RAB37: variants seen among roughly 807,000 people sequenced by gnomAD.
RAB37 encodes the protein ras-related protein Rab-37.
Under a neutral mutation model 33.1 loss-of-function variants are expected in RAB37, and 29 were observed. That is an observed-to-expected ratio of 0.88 (90% CI 0.65 to 1.20). The LOEUF is 1.20. Ranked by LOEUF, RAB37 falls within the 50% of genes most tolerant of loss-of-function variation. The pLI is 0.00. For missense variants in RAB37, 299 were observed against 301.1 expected, an observed-to-expected ratio of 0.99 and a Z score of 0.05; for synonymous variants, 128 against 119.5, an observed-to-expected ratio of 1.07 and a Z score of -0.47.
intron 1 of RAB37, among the ~76,000 whole-genome samples, chr17:74,686,677 A>C (rs1257472123): frequency 6.6e-6 from 1 of 152,190 alleles, no homozygotes; most frequent in East Asian, 1.9e-4. Flanking sequence ...TACAGGCATG[A>C]GCCATACAAC....
At chr17:74,697,199 C>T (rs1490865401) in intron 1 of RAB37, among the ~76,000 whole-genome samples, 2 of 152,182 alleles carry the variant, frequency 1.3e-5, no homozygotes, top group Non-Finnish European at 2.9e-5. Flanking sequence ...CCGCCTCAAC[C>T]TCCCTAAGTG....
chr17:74,744,396 C>T lies in RAB37; in HGVS notation c.432+23C>T. On this transcript the variant is annotated intron_variant, in intron 6 of 8. Coordinates refer to ENST00000392613, the MANE Select transcript of RAB37 (RefSeq NM_001006638.3). The surrounding 1 kb of genome is among the most constrained non-coding windows in gnomAD (Gnocchi z 4.2). ...AAGGTGAGTGGCTCCGGGGCAGGGT[C>T]AGCCCAGCCCTGCACTTCCTCAGCC... 1 of 1,610,692 alleles carries T rather than the reference C, an allele frequency of 6.2e-7. No individual in the cohort carries two copies. Among genetic ancestry groups the T allele is most frequent in the Non-Finnish European group, 8.5e-7 (1 of 1,176,942 alleles).
rs887301692 is a variant in RAB37 at position 74,744,192 on chromosome 17, A to G, written c.367-116A>G. On this transcript the variant is annotated intron_variant, in intron 5 of 8. Coordinates refer to ENST00000392613, the MANE Select transcript of RAB37 (RefSeq NM_001006638.3). The surrounding 1 kb of genome is among the most constrained non-coding windows in gnomAD (Gnocchi z 4.2). Reference sequence around the variant, plus strand: ...GCCAGAACAAAGGTACAGATGAGAGAACGCACAGGGTATCGTGTTCAAGGT... The same window carrying G: ...GCCAGAACAAAGGTACAGATGAGAGGACGCACAGGGTATCGTGTTCAAGGT... The G allele has an allele frequency of 6.0e-6, 6 of 999,166 alleles. No individual in the cohort carries two copies. The highest frequency in any genetic ancestry group is 1.5e-5 in the South Asian group (1 of 66,896). The allele number at this position is 999,166 out of a possible 1,614,324, so 61.9% of individuals were successfully genotyped here.
At chr17:74,698,219 C>G in intron 1 of RAB37, 1 of 647,582 alleles carries the variant, frequency 1.5e-6, no homozygotes, top group Non-Finnish European at 2.7e-6. Context: ...GGGCGCCCCC[C>G]GGTCCCCTGG....
intron 1 of RAB37, among the ~76,000 whole-genome samples, chr17:74,698,156 T>C (rs1352158105): frequency 6.6e-6 from 1 of 151,976 alleles, no homozygotes; most frequent in Non-Finnish European, 1.5e-5. Flanking sequence ...AGGACGGAGG[T>C]GCAGGGCAGG....
intron 1 of RAB37, among the ~76,000 whole-genome samples, chr17:74,700,168 TAAACAAAC>T (rs1358953735): frequency 1.3e-5 from 1 of 76,924 alleles, no homozygotes; most frequent in Non-Finnish European, 4.0e-5. Flanking sequence ...AATAAATAAA[TAAACAAAC>T]AAACAAACAA....
intron 1 of RAB37, among the ~76,000 whole-genome samples, chr17:74,726,190 G>A (rs1339433024): frequency 6.7e-6 from 1 of 149,278 alleles, no homozygotes; most frequent in African/African-American, 2.5e-5. Flanking sequence ...AGCCGAGATT[G>A]TGACACCGCA....
Position 74,698,778 on chromosome 17 carries a change from G to A in RAB37, c.72+27120G>A, listed in dbSNP as rs145532069. Among the ~76,000 whole-genome samples, 6 of 152,252 alleles carry A rather than the reference G, an allele frequency of 3.9e-5. No homozygotes were observed. In the East Asian group the frequency reaches 1.2e-3, roughly 29 times the overall value. The stretch of plus-strand genomic sequence containing the variant: ...CTATTGGGTACTATACCTATTACCT[G>A]GGTGACAAAATAATCTGTACACAAA... On this transcript the variant is annotated intron_variant, in intron 1 of 7. Coordinates refer to the RAB37 transcript ENST00000340415.
chr17:74,722,858 AATTT>A (rs2034259766), intron 1 of RAB37, among the ~76,000 whole-genome samples: 3 of 152,144 alleles, frequency 2.0e-5, no homozygotes, highest in Non-Finnish European at 4.4e-5. Context: ...ATGGCATCTG[AATTT>A]CCTGTCTTGT....
intron 1 of RAB37, among the ~76,000 whole-genome samples, chr17:74,701,315 A>T (rs1003112355): frequency 7.9e-5 from 12 of 152,208 alleles, no homozygotes; most frequent in Admixed American, 5.2e-4. Context: ...TATTTGGTCC[A>T]TTCTTGTACC....
At chr17:74,717,522 C>T (rs2144000444) in intron 1 of RAB37, among the ~76,000 whole-genome samples, 1 of 152,154 alleles carries the variant, frequency 6.6e-6, no homozygotes, top group Middle Eastern at 3.4e-3. Flanking sequence ...AGAAAGGCCC[C>T]AGAGGGCTGG....
intron 1 of RAB37, among the ~76,000 whole-genome samples, chr17:74,717,436 T>C (rs2034179426): frequency 6.6e-6 from 1 of 152,196 alleles, no homozygotes; most frequent in Non-Finnish European, 1.5e-5. Context: ...GTGATGGCAT[T>C]ACGAGGTTGA....
upstream of RAB37, chr17:74,737,097 G>C (rs1347396837): frequency 6.2e-7 from 1 of 1,604,266 alleles, no homozygotes; most frequent in South Asian, 1.1e-5. Flanking sequence ...GCGGCTCTGC[G>C]TGCCCTCAGG....
rs575021843 is a variant in RAB37, at chr17:74,742,918, C to T, written c.247-211C>T. 6.6e-6 allele frequency among the ~76,000 whole-genome samples: 1 copy of T among 152,304 alleles called. No homozygotes were observed. The highest frequency in any genetic ancestry group is 2.4e-5 in the African/African-American group (1 of 41,566). On this transcript the variant is annotated intron_variant, in intron 3 of 8. Transcript: ENST00000392613. The surrounding 1 kb of genome is among the most constrained non-coding windows in gnomAD (Gnocchi z 4.0). ...GGGATTACAGGTGTAAGCCACCGCG[C>T]TCGGCTGAGGAGATGATTTTGAACG...
intron 1 of RAB37, chr17:74,695,660 G>A (rs372574297): frequency 1.6e-5 from 25 of 1,608,724 alleles, no homozygotes; most frequent in Admixed American, 5.0e-5. Flanking sequence ...ACCCTCCAAC[G>A]GGGTGCAACG....
Position 74,738,233 on chromosome 17 carries a change from G to GGA in RAB37, c.93+871_93+872dup, listed in dbSNP as rs1392357593. On this transcript the variant is annotated intron_variant, in intron 1 of 8. Coordinates refer to ENST00000392613, the MANE Select transcript of RAB37 (RefSeq NM_001006638.3). The surrounding 1 kb of genome is among the most constrained non-coding windows in gnomAD (Gnocchi z 5.0). ...CTGGATTCCGCTGCATGGCCTTGAA[G>GGA]GAGACCTGCCTCTCTCTGGGCCTCG... is the stretch of plus-strand genomic sequence containing the variant. Among the ~76,000 whole-genome samples the GGA allele has an allele frequency of 4.6e-5, 7 of 152,172 alleles. No individual in the cohort carries two copies. Among genetic ancestry groups the GGA allele is most frequent in the African/African-American group, 1.7e-4 (7 of 41,432 alleles).
chr17:74,696,234 A>G (rs376282341), intron 1 of RAB37: 4 of 1,603,222 alleles, frequency 2.5e-6, no homozygotes, highest in Non-Finnish European at 3.4e-6. Flanking sequence ...GACAAACAAC[A>G]ATTCAGAATT....
intron 1 of RAB37, among the ~76,000 whole-genome samples, chr17:74,739,543 T>G (rs1200903798): frequency 6.7e-6 from 1 of 149,132 alleles, no homozygotes; most frequent in Non-Finnish European, 1.5e-5. Flanking sequence ...TTTTTTTTTT[T>G]TTTTGAGACA....
chr17:74,726,112 G>A lies in RAB37; in HGVS notation c.73-3144G>A, dbSNP rs563993319. Among the ~76,000 whole-genome samples the A allele has an allele frequency of 2.6e-4, 39 of 151,932 alleles. No individual in the cohort carries two copies. In the South Asian group the frequency reaches 6.3e-3, roughly 24 times the overall value. On this transcript the variant is annotated intron_variant, in intron 1 of 7. Transcript: ENST00000340415. The stretch of plus-strand genomic sequence containing the variant: ...TAGCCAGGTGTGGTGGCGGGCGCCT[G>A]TAGTCCCAGCTACTTGGGAGGCTGA...
Sources: allele counts gnomAD v4.1 joint callset (sites outside exome capture counted in the v4.1 genomes callset), GRCh38; gene constraint gnomAD v4.1.1; non-coding constraint Gnocchi (gnomAD v3.1); transcripts MANE v1.5; gene names NCBI Gene and HGNC (gene_info 2026-07-23, HGNC 2026-07-21).